SLC9A9: variants seen among roughly 807,000 people sequenced by gnomAD.
The protein encoded by SLC9A9 is sodium/hydrogen exchanger 9.
Under a neutral mutation model 77.8 loss-of-function variants are expected in SLC9A9, and 62 were observed. That is an observed-to-expected ratio of 0.80 (90% CI 0.65 to 0.98). The LOEUF (loss-of-function observed/expected upper bound fraction) is 0.98, where lower values mean the gene tolerates loss of function less well. SLC9A9 is among the 50% of genes least tolerant of loss of function. SLC9A9 has a pLI of 0.00. For missense variants in SLC9A9, 775 were observed against 774.9 expected, an observed-to-expected ratio of 1.00 and a Z score of 0.00; for synonymous variants, 320 against 283.5, an observed-to-expected ratio of 1.13 and a Z score of -1.29.
intron 14 of SLC9A9, among the ~76,000 whole-genome samples, chr3:143,324,860 A>G (rs13074801): frequency 0.2 from 29,788 of 151,968 alleles, 3,161 homozygotes; most frequent in Middle Eastern, 0.3. Flanking sequence ...ATCTGCACTA[A>G]AACTCTCATG....
chr3:143,759,333 T>A (rs2007034353), intron 4 of SLC9A9, among the ~76,000 whole-genome samples: 1 of 152,136 alleles, frequency 6.6e-6, no homozygotes, highest in Non-Finnish European at 1.5e-5. Context: ...GTCAGTCCAC[T>A]CAGATTTGCC....
At chr3:143,307,052 T>A (rs995030333) in intron 14 of SLC9A9, among the ~76,000 whole-genome samples, 6 of 152,258 alleles carry the variant, frequency 3.9e-5, no homozygotes, top group African/African-American at 1.4e-4. Flanking sequence ...TGTCCTTGTC[T>A]ATGAAACTTA....
chr3:143,718,765 T>G lies in SLC9A9; in HGVS notation c.534-25458A>C, dbSNP rs185692449. Reference sequence around the variant, plus strand: ...TTGAACATTCCCTCTTTTTTCTTCTTTCATCAAAAATTATCAGTCATGAAT... The same window carrying G: ...TTGAACATTCCCTCTTTTTTCTTCTGTCATCAAAAATTATCAGTCATGAAT... On this transcript the variant is annotated intron_variant, in intron 4 of 15. Coordinates refer to ENST00000316549, the MANE Select transcript of SLC9A9 (RefSeq NM_173653.4). Among the ~76,000 whole-genome samples, 9 of 152,364 alleles carry G rather than the reference T, an allele frequency of 5.9e-5. No individual in the cohort carries two copies. In the East Asian group the frequency reaches 1.7e-3, roughly 29 times the overall value.
intron 8 of SLC9A9, among the ~76,000 whole-genome samples, chr3:143,573,559 T>C (rs933845543): frequency 6.6e-6 from 1 of 152,150 alleles, no homozygotes; most frequent in Non-Finnish European, 1.5e-5. Flanking sequence ...ACTCTCTCTA[T>C]AGACTTTCTG....
intron 9 of SLC9A9, among the ~76,000 whole-genome samples, chr3:143,537,847 A>G (rs2036618707): frequency 6.6e-6 from 1 of 152,224 alleles, no homozygotes; most frequent in African/African-American, 2.4e-5. Flanking sequence ...ACAGTGTCCC[A>G]CAACAGGATG....
chr3:143,764,239 A>G (rs927393374), intron 4 of SLC9A9, among the ~76,000 whole-genome samples: 2 of 152,162 alleles, frequency 1.3e-5, no homozygotes, highest in African/African-American at 4.8e-5. Flanking sequence ...AGTTATGTCA[A>G]AGAGTCATAA....
Position 143,796,831 on chromosome 3 carries a change from T to C in SLC9A9, c.451A>G (p.Lys151Glu), listed in dbSNP as rs2008398381. Residue 151 changes from lysine (K) to glutamate (E), a missense_variant, in exon 3 of 16, where the codon AAG becomes GAG. Transcript: ENST00000316549. ...PIIFHAGYSL[K>E]KRHFFQNLGS... ...AATGATCACTATATATTTACCTTCTTTAGACTATATCCTGCATGAAATATA... is the reference window on the plus strand; with the variant it reads ...AATGATCACTATATATTTACCTTCTCTAGACTATATCCTGCATGAAATATA... The C allele has an allele frequency of 1.2e-6, 2 of 1,604,490 alleles. No homozygotes were observed. Among genetic ancestry groups the C allele is most frequent in the Non-Finnish European group, 1.7e-6 (2 of 1,172,492 alleles).
At chr3:143,689,270 A>T (rs1933378906) in intron 5 of SLC9A9, among the ~76,000 whole-genome samples, 1 of 152,172 alleles carries the variant, frequency 6.6e-6, no homozygotes, top group Non-Finnish European at 1.5e-5. Context: ...ACACTGTCAA[A>T]ATGTGAAAAG....
At chr3:143,395,258 C>T (rs2033697429) in intron 12 of SLC9A9, among the ~76,000 whole-genome samples, 1 of 152,058 alleles carries the variant, frequency 6.6e-6, no homozygotes, top group African/African-American at 2.4e-5. Flanking sequence ...GAGATATAGA[C>T]CAATGGAACA....
chr3:143,421,872 G>C (rs2034303034), intron 12 of SLC9A9, among the ~76,000 whole-genome samples: 4 of 151,948 alleles, frequency 2.6e-5, no homozygotes. Context: ...AATCTACAGG[G>C]AACTTAAACA....
intron 14 of SLC9A9, among the ~76,000 whole-genome samples, chr3:143,290,558 G>A (rs759151561): frequency 2.6e-5 from 4 of 152,026 alleles, no homozygotes; most frequent in Non-Finnish European, 5.9e-5. Flanking sequence ...TCTCTGATAC[G>A]CTGTCAGCCA....
intron 4 of SLC9A9, among the ~76,000 whole-genome samples, chr3:143,753,937 C>T (rs2006835043): frequency 2.0e-5 from 3 of 152,160 alleles, no homozygotes; most frequent in African/African-American, 4.8e-5. Flanking sequence ...ACTGCCTGCC[C>T]ACAGGGGACG....
At chr3:143,800,299 A>T (rs1314549745) in intron 2 of SLC9A9, among the ~76,000 whole-genome samples, 1 of 152,178 alleles carries the variant, frequency 6.6e-6, no homozygotes, top group East Asian at 1.9e-4. Context: ...CACGCTTTAA[A>T]AGGAGTAAAG....
At chr3:143,833,897 C>A (rs1398463612) in intron 1 of SLC9A9, among the ~76,000 whole-genome samples, 1 of 152,130 alleles carries the variant, frequency 6.6e-6, no homozygotes, top group Non-Finnish European at 1.5e-5. Flanking sequence ...GAAAGAGAGA[C>A]AGAGAGAGAC....
intron 15 of SLC9A9, among the ~76,000 whole-genome samples, chr3:143,267,474 C>T (rs138602148): frequency 0.014 from 2,067 of 151,358 alleles, 41 homozygotes; most frequent in African/African-American, 0.046. Flanking sequence ...TTCAGCCTCG[C>T]GAGTAGCTGG....
At chr3:143,718,621 C>A (rs1008980678) in intron 4 of SLC9A9, among the ~76,000 whole-genome samples, 7 of 152,226 alleles carry the variant, frequency 4.6e-5, no homozygotes, top group Non-Finnish European at 1.0e-4. Flanking sequence ...CACGTAACAG[C>A]TGAACAGGCA....
chr3:143,358,721 G>A (rs2032657874), intron 14 of SLC9A9, among the ~76,000 whole-genome samples: 1 of 152,166 alleles, frequency 6.6e-6, no homozygotes, highest in African/African-American at 2.4e-5. Flanking sequence ...ATATGAATAA[G>A]GGGGCATCAA....
intron 5 of SLC9A9, among the ~76,000 whole-genome samples, chr3:143,686,893 T>A (rs543802470): frequency 4.6e-5 from 6 of 130,454 alleles, no homozygotes; most frequent in South Asian, 3.1e-4. Context: ...CCATTCCCCA[T>A]CCTCCTAGTC....
At chr3:143,562,858 A>G (rs1486886720) in intron 8 of SLC9A9, among the ~76,000 whole-genome samples, 1 of 152,004 alleles carries the variant, frequency 6.6e-6, no homozygotes, top group Non-Finnish European at 1.5e-5. Context: ...ATCTGGGTCC[A>G]TGCGGAGTGG....
Sources: gnomAD v4.1 joint callset for allele counts (sites outside exome capture counted in the v4.1 genomes callset) on GRCh38, gnomAD v4.1.1 for gene constraint, MANE v1.5 for transcripts, NCBI Gene and HGNC (gene_info 2026-07-23, HGNC 2026-07-21) for gene names.